XRN2: variants seen among roughly 807,000 people sequenced by gnomAD.
The protein encoded by XRN2 is DHM1-like protein.
Under a neutral mutation model 138.5 loss-of-function variants are expected in XRN2, and 44 were observed. The observed-to-expected ratio is 0.32, with a 90% CI of 0.25 to 0.41. The LOEUF is 0.41. Ranked by LOEUF, XRN2 falls within the 10% of genes least tolerant of loss-of-function variation. The pLI, the probability that XRN2 is intolerant of heterozygous loss-of-function variation, is 1.00. For missense variants in XRN2, 937 were observed against 1,169.3 expected (o/e 0.80, Z 2.90); for synonymous variants, 354 against 369.4 (o/e 0.96, Z 0.48).
rs1272416027 is a variant in XRN2, at chr20:21,346,346, A to G, written c.1530-69A>G. The G allele has an allele frequency of 3.2e-6, 5 of 1,579,814 alleles. No homozygotes were observed. The Admixed American group carries it at 8.7e-5, about 28-fold the overall frequency. ...TATTAAATATAAATTGATTTGGGGT[A>G]TAAATTAGTAGACAGCCTGTTACTG... On this transcript the variant is annotated intron_variant, in intron 16 of 29. Transcript: ENST00000377191.
At chr20:21,327,989 T>C (rs1475884772) in intron 3 of XRN2, among the ~76,000 whole-genome samples, 1 of 152,232 alleles carries the variant, frequency 6.6e-6, no homozygotes. Context: ...CATTATTTCT[T>C]TCTAACTGCT....
Position 21,365,980 on chromosome 20 carries a change from C to T in XRN2, c.2456+276C>T, listed in dbSNP as rs1263924199. 6.6e-4 allele frequency among the ~76,000 whole-genome samples: 65 copies of T among 98,826 alleles called. 3 individuals carry two copies. The highest frequency in any genetic ancestry group is 1.8e-3 in the African/African-American group (46 of 24,988). The allele number at this position is 98,826 out of a possible 152,430, so 64.8% of individuals were successfully genotyped here. A position where few individuals can be genotyped will look rare whatever the true frequency, so the allele number is the denominator to read the frequency against. On this transcript the variant is annotated intron_variant, in intron 26 of 29. Coordinates refer to ENST00000377191, the MANE Select transcript of XRN2 (RefSeq NM_012255.5). ...AATTACAGGAGTGAGCCACCGTGCC[C>T]GGCCGAAACCCAGTATTTTCATAAA...
intron 28 of XRN2, among the ~76,000 whole-genome samples, chr20:21,384,427 A>G (rs1012663422): frequency 1.3e-5 from 2 of 152,226 alleles, no homozygotes; most frequent in Admixed American, 6.5e-5. Context: ...TTGGAAACTT[A>G]AAAAAATTGT....
intron 24 of XRN2, among the ~76,000 whole-genome samples, chr20:21,358,720 C>T (rs1246354134): frequency 6.6e-6 from 1 of 152,098 alleles, no homozygotes; most frequent in Non-Finnish European, 1.5e-5. Flanking sequence ...ACTGTGAATT[C>T]GAAAAATCTT....
chr20:21,353,794 TAA>T (rs11483541), intron 20 of XRN2, among the ~76,000 whole-genome samples: 4 of 138,934 alleles, frequency 2.9e-5, no homozygotes, highest in Non-Finnish European at 4.6e-5. Flanking sequence ...GACCCTATCT[TAA>T]AAAAAAAAAA....
chr20:21,320,061 A>G (rs1396586173), intron 1 of XRN2, among the ~76,000 whole-genome samples: 1 of 152,066 alleles, frequency 6.6e-6, no homozygotes, highest in Non-Finnish European at 1.5e-5. Flanking sequence ...TAGCTTGAAG[A>G]ACTTCGTTTA....
chr20:21,321,766 A>G (rs2038049740), intron 1 of XRN2, among the ~76,000 whole-genome samples: 1 of 152,092 alleles, frequency 6.6e-6, no homozygotes, highest in Non-Finnish European at 1.5e-5. Flanking sequence ...AAAGGCTTTA[A>G]ATGTTTTTGT....
intron 16 of XRN2, 30 bp downstream of exon 16, chr20:21,344,238 A>C: frequency 6.5e-7 from 1 of 1,542,318 alleles, no homozygotes; most frequent in Non-Finnish European, 9.0e-7. Flanking sequence ...GCACTTTGTT[A>C]GCAAATTGCT....
chr20:21,375,007 GTTCTTTTTTTT>G (rs2038803548), intron 27 of XRN2, among the ~76,000 whole-genome samples: 1 of 36,890 alleles, frequency 2.7e-5, no homozygotes, highest in Non-Finnish European at 5.2e-5. Context: ...GTTTTGGTAA[GTTCTTTTTTTT>G]TTTTTTTTTT....
chr20:21,346,211 G>T (rs1389635488), intron 16 of XRN2, among the ~76,000 whole-genome samples: 1 of 152,180 alleles, frequency 6.6e-6, no homozygotes, highest in Non-Finnish European at 1.5e-5. Flanking sequence ...ATTGGGGTGT[G>T]TTTAACTGTC....
At position 21,382,001 on chromosome 20, in the gene XRN2, G is replaced by T; in HGVS notation, c.2592G>T (p.Arg864Ser). 6.2e-7 allele frequency: 1 copy of T among 1,607,664 alleles called. No individual in the cohort carries two copies. Among genetic ancestry groups the T allele is most frequent in the South Asian group, 1.1e-5 (1 of 90,142 alleles). ...TTCCTGTTTCTTTTTCAGATATGAGGCCCCAGGATTCCTGGCGAGGTCCTC... is the reference window on the plus strand; with the variant it reads ...TTCCTGTTTCTTTTTCAGATATGAGTCCCCAGGATTCCTGGCGAGGTCCTC... ...AQIPKLMSNM[R>S]PQDSWRGPPP... The change falls in exon 28 of 30, where the codon AGG (arginine) becomes AGT (serine). Residue 864 changes from arginine (R) to serine (S), a missense_variant. Physicochemically the swap from Arg to Ser is moderately radical, Grantham distance 110 (BLOSUM62 -1). Transcript: ENST00000377191.
At chr20:21,371,139 T>C (rs1250358882) in intron 27 of XRN2, among the ~76,000 whole-genome samples, 1 of 152,232 alleles carries the variant, frequency 6.6e-6, no homozygotes, top group Non-Finnish European at 1.5e-5. Flanking sequence ...TGAAAGAACG[T>C]GCCAGGTTAA....
In XRN2 at chr20:21,307,314, C is replaced by T. The variant is rs112108936; in HGVS notation, c.75+3841C>T. The stretch of plus-strand genomic sequence containing the variant: ...CTCACTCTTTGAGTCTGGAGTCTTA[C>T]GTTCTTCGGTTTTAGGGAATGCTGT... On this transcript the variant is annotated intron_variant, in intron 1 of 29. Transcript: ENST00000377191. 1.8e-3 allele frequency among the ~76,000 whole-genome samples: 138 copies of T among 76,572 alleles called. 54 individuals carry two copies. Among genetic ancestry groups the T allele is most frequent in the African/African-American group, 4.5e-3 (127 of 28,034 alleles). 50.2% of individuals were successfully genotyped at this position (76,572 alleles called of 152,430 possible).
At chr20:21,389,177 T>A (rs908636833) in intron 29 of XRN2, 96 bp from the exon 30 acceptor site, 5 of 1,109,424 alleles carry the variant, frequency 4.5e-6, no homozygotes, top group Non-Finnish European at 6.5e-6. Flanking sequence ...ACATACTCAG[T>A]TTCCTTATGA....
At chr20:21,340,676 G>A in intron 14 of XRN2, 45 bp from the exon 15 acceptor site, 1 of 1,598,586 alleles carries the variant, frequency 6.3e-7, no homozygotes, top group Non-Finnish European at 8.5e-7. Context: ...ATCTAACTGT[G>A]TTGTGATTTA....
intron 16 of XRN2, 150 bp downstream of exon 16, chr20:21,344,358 T>G (rs2038409367): frequency 3.1e-6 from 2 of 636,644 alleles, no homozygotes; most frequent in African/African-American, 3.7e-5. Flanking sequence ...GTTAGAATAG[T>G]CAGTAAATTC....
chr20:21,314,114 C>T (rs1286553824), intron 1 of XRN2, among the ~76,000 whole-genome samples: 1 of 152,204 alleles, frequency 6.6e-6, no homozygotes, highest in Non-Finnish European at 1.5e-5. Context: ...CAGCCTTAAG[C>T]AACCACTAAT....
intron 28 of XRN2, 126 bp from the exon 29 acceptor site, chr20:21,386,740 CTG>C: frequency 8.4e-7 from 1 of 1,189,626 alleles, no homozygotes; most frequent in East Asian, 2.4e-5. Flanking sequence ...TTCTGATACT[CTG>C]TATCCCATAT....
At chr20:21,331,399 TCACACACACACACACACACA>T (rs71806398) in intron 6 of XRN2, among the ~76,000 whole-genome samples, 142 bp from the exon 7 acceptor site, 1 of 143,952 alleles carries the variant, frequency 6.9e-6, no homozygotes, top group Non-Finnish European at 1.5e-5. Flanking sequence ...TTGGTGTTTT[TCACACACACACACACACACA>T]CACACACACA....
Sources: gnomAD v4.1 joint callset for allele counts (sites outside exome capture counted in the v4.1 genomes callset) on GRCh38, gnomAD v4.1.1 for gene constraint, MANE v1.5 for transcripts, NCBI Gene and HGNC (gene_info 2026-07-23, HGNC 2026-07-21) for gene names.